The following NPAS3 variants were observed in gnomAD, a reference collection of about 807,000 sequenced individuals.
NPAS3 encodes the protein neuronal PAS domain protein 3.
A neutral mutation model predicts 73.1 loss-of-function variants in NPAS3; 14 were observed. The observed-to-expected ratio is 0.19, with a 90% confidence interval of 0.13 to 0.30. The LOEUF (loss-of-function observed/expected upper bound fraction) is 0.30. Ranked by LOEUF, NPAS3 falls within the 10% of genes least tolerant of loss-of-function variation. The pLI is 1.00. For missense variants in NPAS3, 1,096 were observed against 1,250.0 expected, an observed-to-expected ratio of 0.88 and a Z score of 1.86; for synonymous variants, 620 against 541.5, an observed-to-expected ratio of 1.14 and a Z score of -2.01.
At chr14:33,698,296 T>C (rs1009813791) in intron 6 of NPAS3, among the ~76,000 whole-genome samples, 8 of 152,252 alleles carry the variant, frequency 5.3e-5, no homozygotes, top group African/African-American at 1.9e-4. Flanking sequence ...TTTATTCTGC[T>C]TTTAGGAACA....
At chr14:33,558,007 T>A (rs2055444309) in intron 4 of NPAS3, among the ~76,000 whole-genome samples, 1 of 152,172 alleles carries the variant, frequency 6.6e-6, no homozygotes, top group Admixed American at 6.5e-5. Flanking sequence ...TACTATAATT[T>A]CATATAGTAC....
intron 5 of NPAS3, among the ~76,000 whole-genome samples, chr14:33,623,760 T>C (rs1268191348): frequency 2.6e-5 from 4 of 152,224 alleles, no homozygotes; most frequent in Admixed American, 2.6e-4. Flanking sequence ...TGTCTTTCAC[T>C]TCCATCCAGC....
chr14:33,177,071 T>TATTATTA (rs2045614719), intron 2 of NPAS3, among the ~76,000 whole-genome samples: 2 of 138,336 alleles, frequency 1.4e-5, no homozygotes, highest in African/African-American at 5.4e-5. Flanking sequence ...TGTTTATCTT[T>TATTATTA]TTATTATTAT....
intron 1 of NPAS3, among the ~76,000 whole-genome samples, chr14:33,006,673 C>T (rs963320186): frequency 6.6e-6 from 1 of 152,152 alleles, no homozygotes; most frequent in Non-Finnish European, 1.5e-5. Flanking sequence ...ACTCATTTCT[C>T]TATTCTTTCT....
intron 4 of NPAS3, among the ~76,000 whole-genome samples, chr14:33,411,094 T>A (rs1204842207): frequency 6.6e-6 from 1 of 152,206 alleles, no homozygotes; most frequent in South Asian, 2.1e-4. Flanking sequence ...TTGGCTAAAA[T>A]CAAGTTTCCA....
chr14:33,364,256 A>G (rs575863079), intron 3 of NPAS3, among the ~76,000 whole-genome samples: 1 of 152,366 alleles, frequency 6.6e-6, no homozygotes, highest in East Asian at 1.9e-4. Flanking sequence ...ACATAATAAG[A>G]TTAACACGGA....
intron 4 of NPAS3, among the ~76,000 whole-genome samples, chr14:33,454,788 ACT>A (rs2049953629): frequency 6.6e-6 from 1 of 152,036 alleles, no homozygotes; most frequent in African/African-American, 2.4e-5. Flanking sequence ...TGCATCAGAA[ACT>A]CCAAGAATAG....
At chr14:33,666,810 T>G (rs1025735660) in intron 5 of NPAS3, among the ~76,000 whole-genome samples, 9 of 152,244 alleles carry the variant, frequency 5.9e-5, no homozygotes, top group African/African-American at 2.2e-4. Context: ...AATACATGAT[T>G]GACTAATTAA....
intron 2 of NPAS3, among the ~76,000 whole-genome samples, chr14:33,131,677 G>A (rs1050059148): frequency 9.2e-5 from 14 of 152,234 alleles, no homozygotes; most frequent in African/African-American, 3.4e-4. Flanking sequence ...TCGTATGTGT[G>A]CATGTTTGCG....
chr14:32,996,026 C>T (rs915299955), intron 1 of NPAS3, among the ~76,000 whole-genome samples: 1 of 152,108 alleles, frequency 6.6e-6, no homozygotes, highest in Non-Finnish European at 1.5e-5. Flanking sequence ...TGATCAAAAG[C>T]CTGATAGCAA....
At chr14:33,428,514 A>T (rs2048648263) in intron 4 of NPAS3, among the ~76,000 whole-genome samples, 1 of 152,092 alleles carries the variant, frequency 6.6e-6, no homozygotes, top group African/African-American at 2.4e-5. Context: ...AAGGTTGCTA[A>T]TGTTGAACAT....
chr14:33,790,550 C>CTT (rs74352260), intron 9 of NPAS3, among the ~76,000 whole-genome samples: 6 of 142,828 alleles, frequency 4.2e-5, no homozygotes, highest in African/African-American at 5.1e-5. Flanking sequence ...GCCAGTATGA[C>CTT]TTTTTTTTTT....
chr14:33,345,326 C>G (rs1207513601), intron 3 of NPAS3, among the ~76,000 whole-genome samples: 4 of 152,240 alleles, frequency 2.6e-5, no homozygotes, highest in African/African-American at 2.4e-5. Flanking sequence ...TTCAAGGGCC[C>G]AAACATCAAA....
At chr14:33,516,138 G>C (rs2053285841) in intron 4 of NPAS3, among the ~76,000 whole-genome samples, 1 of 152,064 alleles carries the variant, frequency 6.6e-6, no homozygotes. Flanking sequence ...AAGCACCTTT[G>C]CCTAAGGTTA....
intron 4 of NPAS3, among the ~76,000 whole-genome samples, chr14:33,395,248 A>G (rs919497585): frequency 6.6e-6 from 1 of 152,176 alleles, no homozygotes; most frequent in African/African-American, 2.4e-5. Flanking sequence ...TTAAAATAAT[A>G]TTAGTTCTGT....
intron 4 of NPAS3, among the ~76,000 whole-genome samples, chr14:33,419,300 A>G (rs951444393): frequency 6.6e-6 from 1 of 151,814 alleles, no homozygotes; most frequent in African/African-American, 2.4e-5. Flanking sequence ...AATAATAAAG[A>G]TGTTATTTAG....
chr14:33,195,117 A>T (rs1203746192), intron 2 of NPAS3, among the ~76,000 whole-genome samples: 1 of 152,086 alleles, frequency 6.6e-6, no homozygotes, highest in Admixed American at 6.5e-5. Context: ...CTTGATCCAG[A>T]TGTTTAACAT....
chr14:33,005,372 C>CAAA (rs2038965707), intron 1 of NPAS3, among the ~76,000 whole-genome samples: 2 of 152,158 alleles, frequency 1.3e-5, no homozygotes, highest in Admixed American at 6.5e-5. Context: ...GTCAGTGGCA[C>CAAA]ATGACTATAT....
chr14:33,033,792 T>C (rs1005102503), intron 1 of NPAS3, among the ~76,000 whole-genome samples: 1 of 152,242 alleles, frequency 6.6e-6, no homozygotes, highest in Non-Finnish European at 1.5e-5. Context: ...CTCCTATTGT[T>C]GGTATATTGA....
Sources: gnomAD v4.1 joint callset for allele counts (sites outside exome capture counted in the v4.1 genomes callset) on GRCh38, gnomAD v4.1.1 for gene constraint, MANE v1.5 for transcripts, NCBI Gene and HGNC (gene_info 2026-07-23, HGNC 2026-07-21) for gene names.